NRBF2: variants seen among roughly 807,000 people sequenced by gnomAD.
NRBF2 encodes the protein nuclear receptor binding factor 2, also known as nuclear receptor-binding factor 2.
Under a neutral mutation model 28.5 loss-of-function variants are expected in NRBF2, and 12 were observed. The ratio of observed to expected loss-of-function variants is 0.42; its 90% confidence interval spans 0.27 to 0.68. The LOEUF is 0.68. Ranked by LOEUF, NRBF2 falls within the 30% of genes least tolerant of loss-of-function variation. The pLI is 0.24. For synonymous variants in NRBF2, 102 were observed against 116.5 expected (o/e 0.88, Z 0.80); for missense variants, 274 against 333.5 (o/e 0.82, Z 1.39).
intron 2 of NRBF2, among the ~76,000 whole-genome samples, chr10:63,151,728 TA>T (rs1191954008): frequency 1.3e-5 from 2 of 152,208 alleles, no homozygotes; most frequent in Admixed American, 6.5e-5. Flanking sequence ...GACAATTCAT[TA>T]AAAGTGATTC....
At chr10:63,146,397 A>G (rs1044388323) in intron 2 of NRBF2, 104 bp downstream of exon 2, 1 of 693,688 alleles carries the variant, frequency 1.4e-6, no homozygotes. Flanking sequence ...CTGCTGACCC[A>G]CCAGAATATC....
intron 1 of NRBF2, among the ~76,000 whole-genome samples, chr10:63,138,010 A>G (rs1841400885): frequency 6.6e-6 from 1 of 152,198 alleles, no homozygotes; most frequent in Non-Finnish European, 1.5e-5. Context: ...TTTGAAATGC[A>G]GGGTAAGTGG....
chr10:63,138,347 G>A (rs1841406177), intron 1 of NRBF2, among the ~76,000 whole-genome samples: 1 of 151,738 alleles, frequency 6.6e-6, no homozygotes, highest in African/African-American at 2.4e-5. Flanking sequence ...AGCCAGGTGT[G>A]GTGGCACATG....
At chr10:63,136,868 A>G (rs1841386976) in intron 1 of NRBF2, among the ~76,000 whole-genome samples, 2 of 152,232 alleles carry the variant, frequency 1.3e-5, no homozygotes, top group South Asian at 2.1e-4. Flanking sequence ...GGAAGAGACT[A>G]GTTTGAAATA....
intron 1 of NRBF2, among the ~76,000 whole-genome samples, chr10:63,140,260 C>T (rs1841443133): frequency 6.6e-6 from 1 of 152,156 alleles, no homozygotes; most frequent in Non-Finnish European, 1.5e-5. Context: ...TGATGGGCAA[C>T]CACAGCTGTA....
intron 1 of NRBF2, among the ~76,000 whole-genome samples, chr10:63,139,070 C>G (rs558747943): frequency 6.6e-6 from 1 of 152,006 alleles, no homozygotes; most frequent in Non-Finnish European, 1.5e-5. Context: ...AGTGCAATGG[C>G]GTAATCTCAG....
chr10:63,150,094 A>G (rs1489380694), intron 2 of NRBF2, among the ~76,000 whole-genome samples: 2 of 150,718 alleles, frequency 1.3e-5, no homozygotes, highest in African/African-American at 4.9e-5. Context: ...GGTGCCTGCC[A>G]CCACGCCCAG....
Position 63,151,152 on chromosome 10 carries a change from A to T in NRBF2, c.116-998A>T, listed in dbSNP as rs370477523. On this transcript the variant is annotated intron_variant, in intron 2 of 3. Transcript: ENST00000277746. ...CAAGAACTCTTAAGTTATGACATCA[A>T]AGCATTAAATTATTTGGATTAAGAC... 5.9e-5 allele frequency among the ~76,000 whole-genome samples: 9 copies of T among 152,334 alleles called. No homozygotes were observed. The East Asian group carries it at 1.3e-3, about 23-fold the overall frequency.
At chr10:63,143,930 G>A (rs916395802) in intron 1 of NRBF2, among the ~76,000 whole-genome samples, 4 of 151,512 alleles carry the variant, frequency 2.6e-5, no homozygotes, top group Non-Finnish European at 5.9e-5. Flanking sequence ...GCTAATTTTT[G>A]TATTTTTTGT....
At position 63,154,444 on chromosome 10, in the gene NRBF2, T is replaced by C. The variant is rs1841699870; in HGVS notation, c.*226T>C. The C allele has an allele frequency of 9.9e-6, 4 of 403,956 alleles. No homozygotes were observed. Among genetic ancestry groups the C allele is most frequent in the Non-Finnish European group, 1.3e-5 (3 of 227,132 alleles). The allele number at this position is 403,956 out of a possible 1,614,324, so 25.0% of individuals were successfully genotyped here. A position where few individuals can be genotyped will look rare whatever the true frequency, so the allele number is the denominator to read the frequency against. On this transcript the variant is annotated 3_prime_UTR_variant, in exon 4 of 4. Transcript: ENST00000277746. Reference sequence around the variant, plus strand: ...CTAATGATTCCGACTTGGCAGACGCTAAACTCATGGAGGTTCGGTTTCTCC... The same window carrying C: ...CTAATGATTCCGACTTGGCAGACGCCAAACTCATGGAGGTTCGGTTTCTCC...
chr10:63,145,731 T>C (rs765726775), intron 1 of NRBF2, among the ~76,000 whole-genome samples: 2 of 152,236 alleles, frequency 1.3e-5, no homozygotes, highest in Non-Finnish European at 2.9e-5. Flanking sequence ...ATAGTAACTT[T>C]AATGTTGAAA....
intron 2 of NRBF2, among the ~76,000 whole-genome samples, chr10:63,148,493 G>T (rs1841597842): frequency 6.6e-6 from 1 of 152,198 alleles, no homozygotes; most frequent in African/African-American, 2.4e-5. Context: ...TCATTTTAGA[G>T]ATGTGACAAG....
intron 1 of NRBF2, among the ~76,000 whole-genome samples, chr10:63,135,126 G>A (rs1431841005): frequency 6.6e-6 from 1 of 152,226 alleles, no homozygotes; most frequent in East Asian, 1.9e-4. Flanking sequence ...GGTGGAGGTT[G>A]CAGTGGGCCG....
At chr10:63,134,559 T>A (rs1357399160) in intron 1 of NRBF2, among the ~76,000 whole-genome samples, 1 of 152,222 alleles carries the variant, frequency 6.6e-6, no homozygotes, top group Non-Finnish European at 1.5e-5. Flanking sequence ...TCACTTGATA[T>A]CTGTGTTACC....
At chr10:63,145,101 C>CT (rs34823556) in intron 1 of NRBF2, among the ~76,000 whole-genome samples, 7,648 of 85,826 alleles carry the variant, frequency 0.089, 552 homozygotes, top group East Asian at 0.21. Context: ...TATATTAAAG[C>CT]TTTTTTTTTT....
At chr10:63,152,405 A>G (rs552526711) in intron 3 of NRBF2, among the ~76,000 whole-genome samples, 18 of 152,238 alleles carry the variant, frequency 1.2e-4, no homozygotes, top group Non-Finnish European at 2.1e-4. Flanking sequence ...CTTTTTTTCT[A>G]GTGGTTACTC....
chr10:63,151,397 T>G (rs1359283522), intron 2 of NRBF2, among the ~76,000 whole-genome samples: 1 of 152,150 alleles, frequency 6.6e-6, no homozygotes, highest in Non-Finnish European at 1.5e-5. Context: ...CGAATGTAAT[T>G]AAAGATACAT....
intron 1 of NRBF2, among the ~76,000 whole-genome samples, chr10:63,135,756 T>C (rs1841366047): frequency 6.6e-6 from 1 of 151,854 alleles, no homozygotes; most frequent in African/African-American, 2.4e-5. Context: ...AAGCGATTCT[T>C]CTGCCTCAGC....
chr10:63,143,519 G>A (rs1841507762), intron 1 of NRBF2, among the ~76,000 whole-genome samples: 1 of 151,594 alleles, frequency 6.6e-6, no homozygotes, highest in African/African-American at 2.4e-5. Flanking sequence ...GTGTAATGGT[G>A]CGATCTCGGC....
Sources: allele counts gnomAD v4.1 joint callset (sites outside exome capture counted in the v4.1 genomes callset), GRCh38; gene constraint gnomAD v4.1.1; transcripts MANE v1.5; gene names NCBI Gene and HGNC (gene_info 2026-07-23, HGNC 2026-07-21).